The following CTNND2 variants were observed in gnomAD, a reference collection of about 807,000 sequenced individuals.
The protein encoded by CTNND2 is catenin delta-2.
Under a neutral mutation model 144.4 loss-of-function variants are expected in CTNND2, and 22 were observed. That is an observed-to-expected ratio of 0.15 (90% CI 0.11 to 0.22). CTNND2 has a LOEUF of 0.22. Among genes scored for constraint, CTNND2 ranks in the 10% least tolerant of loss-of-function variants. The pLI is 1.00. For synonymous variants in CTNND2, 751 were observed against 695.6 expected (o/e 1.08, Z -1.25); for missense variants, 1,353 against 1,618.8 (o/e 0.84, Z 2.82).
chr5:11,880,416 A>C (rs563690945), intron 1 of CTNND2, among the ~76,000 whole-genome samples: 18 of 151,808 alleles, frequency 1.2e-4, no homozygotes, highest in African/African-American at 3.4e-4. Flanking sequence ...GTCAAGAAGA[A>C]GGCCTTCTAT....
chr5:11,261,394 A>G (rs1257266089), intron 9 of CTNND2, among the ~76,000 whole-genome samples: 1 of 152,172 alleles, frequency 6.6e-6, no homozygotes, highest in Non-Finnish European at 1.5e-5. Context: ...GCACACTGAC[A>G]CTGTGCTTAG....
At chr5:11,106,630 AC>A in intron 14 of CTNND2, among the ~76,000 whole-genome samples, 1 of 152,350 alleles carries the variant, frequency 6.6e-6, no homozygotes, top group African/African-American at 2.4e-5. Flanking sequence ...CCATGTGCAG[AC>A]AATGCTACAC....
chr5:11,658,570 G>A (rs192500727), intron 2 of CTNND2, among the ~76,000 whole-genome samples: 27 of 152,002 alleles, frequency 1.8e-4, no homozygotes, highest in Middle Eastern at 3.4e-3. Context: ...GTTGTATTCC[G>A]TGGAAACTCA....
intron 9 of CTNND2, among the ~76,000 whole-genome samples, chr5:11,279,229 A>C (rs1237832446): frequency 6.6e-6 from 1 of 152,138 alleles, no homozygotes; most frequent in African/African-American, 2.4e-5. Context: ...GTCCATTCAA[A>C]TACTTAAGAG....
At chr5:11,616,292 TA>T (rs1318100771) in intron 2 of CTNND2, among the ~76,000 whole-genome samples, 1 of 152,216 alleles carries the variant, frequency 6.6e-6, no homozygotes, top group African/African-American at 2.4e-5. Context: ...GTCAAGCACC[TA>T]AAAATATTTC....
At chr5:11,431,917 A>G (rs773166623) in intron 3 of CTNND2, among the ~76,000 whole-genome samples, 3 of 152,174 alleles carry the variant, frequency 2.0e-5, no homozygotes, top group Non-Finnish European at 4.4e-5. Context: ...TGTCATCAAC[A>G]GTAGCAAAGT....
At chr5:11,611,756 C>G (rs1387124211) in intron 2 of CTNND2, among the ~76,000 whole-genome samples, 1 of 152,170 alleles carries the variant, frequency 6.6e-6, no homozygotes, top group Non-Finnish European at 1.5e-5. Flanking sequence ...CCAGCCTGGA[C>G]AACAGAGTGC....
intron 1 of CTNND2, among the ~76,000 whole-genome samples, chr5:11,813,057 T>G (rs957308682): frequency 6.6e-6 from 1 of 152,174 alleles, no homozygotes; most frequent in African/African-American, 2.4e-5. Flanking sequence ...ATAAGGACAT[T>G]TCAGTCAATG....
At chr5:11,756,657 C>T (rs1404945439) in intron 1 of CTNND2, among the ~76,000 whole-genome samples, 1 of 151,168 alleles carries the variant, frequency 6.6e-6, no homozygotes, top group African/African-American at 2.4e-5. Context: ...TACACACACA[C>T]ACACACACAC....
chr5:11,605,436 C>G (rs1182938734), intron 2 of CTNND2, among the ~76,000 whole-genome samples: 1 of 152,256 alleles, frequency 6.6e-6, no homozygotes, highest in East Asian at 1.9e-4. Flanking sequence ...GAAAGTCAAA[C>G]AGTCTGGTAA....
At chr5:11,016,320 T>C (rs965638291) in intron 18 of CTNND2, among the ~76,000 whole-genome samples, 2 of 152,208 alleles carry the variant, frequency 1.3e-5, no homozygotes, top group African/African-American at 2.4e-5. Flanking sequence ...GAGAAATATA[T>C]AGGCTACACT....
chr5:11,674,106 G>A (rs866690397), intron 2 of CTNND2, among the ~76,000 whole-genome samples: 3 of 152,162 alleles, frequency 2.0e-5, no homozygotes, highest in Non-Finnish European at 4.4e-5. Flanking sequence ...CAAGTCTACA[G>A]TGTGGTTACT....
intron 12 of CTNND2, among the ~76,000 whole-genome samples, chr5:11,148,120 T>C (rs1409564028): frequency 6.6e-6 from 1 of 152,172 alleles, no homozygotes; most frequent in Non-Finnish European, 1.5e-5. Flanking sequence ...GCAGAAGAGA[T>C]AGATTCATAG....
At chr5:11,593,876 C>T (rs1779377126) in intron 2 of CTNND2, among the ~76,000 whole-genome samples, 1 of 127,412 alleles carries the variant, frequency 7.8e-6, no homozygotes. Context: ...TAGGGTGCCA[C>T]TAAGTACTCA....
chr5:11,470,319 A>G (rs1767071848), intron 3 of CTNND2, among the ~76,000 whole-genome samples: 9 of 152,140 alleles, frequency 5.9e-5, no homozygotes, highest in Admixed American at 5.2e-4. Context: ...CTGTAATCCC[A>G]GCTACTCGGG....
intron 16 of CTNND2, among the ~76,000 whole-genome samples, chr5:11,066,332 C>A (rs1000800857): frequency 6.6e-6 from 1 of 152,214 alleles, no homozygotes; most frequent in Admixed American, 6.5e-5. Flanking sequence ...GCCACCGCGC[C>A]CAGCCTTCCA....
chr5:11,557,245 A>G (rs1039388244), intron 3 of CTNND2, among the ~76,000 whole-genome samples: 1 of 152,190 alleles, frequency 6.6e-6, no homozygotes, highest in Admixed American at 6.5e-5. Context: ...TAACAGTTTT[A>G]TAAGTTTTGT....
chr5:11,083,764 T>A (rs570922541), intron 15 of CTNND2: 1 of 310,070 alleles, frequency 3.2e-6, no homozygotes, highest in South Asian at 6.1e-5. Context: ...GCAATGAGGC[T>A]GTGGATTCTG....
intron 18 of CTNND2, among the ~76,000 whole-genome samples, chr5:11,008,334 T>C (rs1367838148): frequency 2.0e-5 from 3 of 152,114 alleles, no homozygotes; most frequent in Non-Finnish European, 2.9e-5. Context: ...CCCAATGTCA[T>C]CTCAAGGGTT....
Sources: allele counts gnomAD v4.1 joint callset (sites outside exome capture counted in the v4.1 genomes callset), GRCh38; gene constraint gnomAD v4.1.1; transcripts MANE v1.5; gene names NCBI Gene and HGNC (gene_info 2026-07-23, HGNC 2026-07-21).